RCN2: variants seen among roughly 807,000 people sequenced by gnomAD.
RCN2 encodes reticulocalbin 2.
In RCN2, 23 loss-of-function variants were observed where a neutral mutation model predicts 37.5. The observed-to-expected ratio is 0.61, with a 90% CI of 0.44 to 0.87. The LOEUF (loss-of-function observed/expected upper bound fraction) is 0.87. Ranked by LOEUF, RCN2 falls within the 40% of genes least tolerant of loss-of-function variation. The probability of loss-of-function intolerance (pLI) is 0.00; values close to 1 mark genes in which losing one functional copy is unlikely to be tolerated. For synonymous variants in RCN2, 140 were observed against 144.6 expected, an observed-to-expected ratio of 0.97 and a Z score of 0.23; for missense variants, 381 against 390.4, an observed-to-expected ratio of 0.98 and a Z score of 0.20.
rs1050172179 is a variant in RCN2 at position 76,953,308 on chromosome 15, C to T, written c.*4086C>T. ...TTGTGAGTGGCTTCACTTAGCATAA[C>T]GTCCCCAAAGTTCACCCATATTGTT... On this transcript the variant is annotated 3_prime_UTR_variant, in exon 7 of 7. Coordinates refer to ENST00000394885, the MANE Select transcript of RCN2 (RefSeq NM_002902.3). 2.6e-5 allele frequency: 4 copies of T among 151,834 alleles called. No individual in the cohort carries two copies. In the East Asian group the frequency reaches 5.8e-4, roughly 22 times the overall value. 9.4% of individuals were successfully genotyped at this position (151,834 alleles called of 1,614,324 possible). A position where few individuals can be genotyped will look rare whatever the true frequency, so the allele number is the denominator to read the frequency against.
rs116415216 is a variant in RCN2, at chr15:76,949,394, G to A, written c.*172G>A. ...TTTTAGGAAAAAAAAACAAAAATCT[G>A]ATATTTATTTCAAAATGTATTGAAG... On this transcript the variant is annotated 3_prime_UTR_variant, in exon 7 of 7. Coordinates refer to ENST00000394885, the MANE Select transcript of RCN2 (RefSeq NM_002902.3). The A allele has an allele frequency of 2.1e-3, 985 of 458,454 alleles. 8 individuals are homozygous for A. Among genetic ancestry groups the A allele is most frequent in the African/African-American group, 0.018 (916 of 49,696 alleles). The allele number at this position is 458,454 out of a possible 1,614,324, so 28.4% of individuals were successfully genotyped here.
intron 4 of RCN2, among the ~76,000 whole-genome samples, chr15:76,947,092 T>C (rs1416067400): frequency 6.6e-6 from 1 of 152,158 alleles, no homozygotes; most frequent in Non-Finnish European, 1.5e-5. Flanking sequence ...GTGCGGAAAA[T>C]AGCATGAGAG....
intron 2 of RCN2, 56 bp downstream of exon 2, chr15:76,932,522 C>A (rs1596001140): frequency 1.7e-6 from 2 of 1,195,270 alleles, no homozygotes; most frequent in Admixed American, 1.8e-5. Context: ...TGTTAAGCAG[C>A]GGTGTCTGCT....
rs1028278157 is a variant in RCN2, at chr15:76,949,647, G to T, written c.*425G>T. ...GGAACTGACAGGACAATGTTTTTAGGTTTAGCATTTTGTTTAAAAACCTTT... is the reference window on the plus strand; with the variant it reads ...GGAACTGACAGGACAATGTTTTTAGTTTTAGCATTTTGTTTAAAAACCTTT... On this transcript the variant is annotated 3_prime_UTR_variant, in exon 7 of 7. Transcript: ENST00000394885. The T allele has an allele frequency of 1.3e-5, 2 of 152,892 alleles. No individual in the cohort carries two copies. The highest frequency in any genetic ancestry group is 4.8e-5 in the African/African-American group (2 of 41,448). 9.5% of individuals were successfully genotyped at this position (152,892 alleles called of 1,614,324 possible).
chr15:76,948,147 C>T (rs760058161), intron 5 of RCN2: 103 of 275,814 alleles, frequency 3.7e-4, no homozygotes, highest in Middle Eastern at 2.1e-3. Flanking sequence ...AACTAGATAT[C>T]GGAACAAATA....
intron 3 of RCN2, chr15:76,943,557 C>G (rs1455703156): frequency 5.1e-5 from 20 of 390,566 alleles, no homozygotes; most frequent in Non-Finnish European, 9.2e-5. Flanking sequence ...TGCTGGAATT[C>G]AGGTCTGGGT....
At position 76,949,506 on chromosome 15, in the gene RCN2, GTTC is replaced by G. The variant is rs1183846377; in HGVS notation, c.*286_*288del. 1 of 211,344 alleles carries G rather than the reference GTTC, an allele frequency of 4.7e-6. No individual in the cohort carries two copies. The highest frequency in any genetic ancestry group is 9.3e-6 in the Non-Finnish European group (1 of 107,332). The allele number at this position is 211,344 out of a possible 1,614,324, so 13.1% of individuals were successfully genotyped here. On this transcript the variant is annotated 3_prime_UTR_variant, in exon 7 of 7. Transcript: ENST00000394885. ...TAGTACTGTATTGTGGAATATTTGAGTTCTATTTCCATACTTGAAAACATGGAG... is the reference window on the plus strand; with the variant it reads ...TAGTACTGTATTGTGGAATATTTGAGTATTTCCATACTTGAAAACATGGAG...
rs974114588 is a variant in RCN2, at chr15:76,954,054, T to G, written c.*4832T>G. ...GCTATTTTCTGTTTTTTTTTTTTTC[T>G]TTTTTTTTTTTAATAGTAGCCATCC... On this transcript the variant is annotated 3_prime_UTR_variant, in exon 7 of 7. Transcript: ENST00000394885. 2 of 139,984 alleles carry G rather than the reference T, an allele frequency of 1.4e-5. No individual in the cohort carries two copies. Among genetic ancestry groups the G allele is most frequent in the African/African-American group, 5.1e-5 (2 of 39,188 alleles). 8.7% of individuals were successfully genotyped at this position (139,984 alleles called of 1,614,324 possible).
intron 3 of RCN2, among the ~76,000 whole-genome samples, chr15:76,936,891 T>C (rs1160728206): frequency 1.3e-5 from 2 of 152,162 alleles, no homozygotes; most frequent in African/African-American, 4.8e-5. Flanking sequence ...CCCGACTCTT[T>C]TCATCTTACA....
chr15:76,943,807 G>A lies in RCN2; in HGVS notation c.497G>A (p.Gly166Asp). Residue 166 changes from glycine to aspartate, a missense_variant, in exon 4 of 7, where the codon GGT becomes GAT. Coordinates refer to ENST00000394885, the MANE Select transcript of RCN2 (RefSeq NM_002902.3). ...TTTGAAAAAGCTAACCAGGATTCAG[G>A]TCCCGGTTTGAGTCTTGAAGAATTT... ...KRFEKANQDS[G>D]PGLSLEEFIA... is the part of the protein sequence containing the mutation. 6.2e-7 allele frequency: 1 copy of A among 1,609,740 alleles called. No homozygotes were observed. The highest frequency in any genetic ancestry group is 8.5e-7 in the Non-Finnish European group (1 of 1,176,910).
chr15:76,936,706 T>G (rs144532606), intron 3 of RCN2, among the ~76,000 whole-genome samples: 1 of 152,358 alleles, frequency 6.6e-6, no homozygotes, highest in East Asian at 1.9e-4. Context: ...GTGCAAATAC[T>G]GCACCATTTT....
intron 3 of RCN2, among the ~76,000 whole-genome samples, chr15:76,936,834 C>T (rs2075251939): frequency 6.6e-6 from 1 of 152,110 alleles, no homozygotes; most frequent in Non-Finnish European, 1.5e-5. Context: ...TTAAAGTGTA[C>T]AGTTGAGTAA....
chr15:76,931,920 G>A lies in RCN2; in HGVS notation c.79G>A (p.Glu27Lys), dbSNP rs563134720. 1.4e-5 allele frequency: 19 copies of A among 1,326,572 alleles called. No individual in the cohort carries two copies. In the South Asian group the frequency reaches 3.2e-4, roughly 23 times the overall value. The allele number at this position is 1,326,572 out of a possible 1,614,324, so 82.2% of individuals were successfully genotyped here. A position where few individuals can be genotyped will look rare whatever the true frequency, so the allele number is the denominator to read the frequency against. The change falls in exon 1 of 7, where the codon GAG becomes AAG. Residue 27 changes from glutamate to lysine, a missense_variant. By Grantham distance (56) the Glu-to-Lys change is moderately conservative. Transcript: ENST00000394885. Reference sequence around the variant, plus strand: ...CGCGGCCGGCGCCGGCAAGGCCGAGGAGCTGCACTACCCGCTGGGCGAGCG... The same window carrying A: ...CGCGGCCGGCGCCGGCAAGGCCGAGAAGCTGCACTACCCGCTGGGCGAGCG... Reference protein sequence around the residue: ...AAAAGAGKAEELHYPLGERRS... With the variant: ...AAAAGAGKAEKLHYPLGERRS...
chr15:76,932,056 C>T (rs1325497516), intron 1 of RCN2, 71 bp downstream of exon 1: 1 of 1,237,806 alleles, frequency 8.1e-7, no homozygotes, highest in Non-Finnish European at 1.0e-6. Context: ...TGTCCCGGGA[C>T]AAAGGGGGGC....
At chr15:76,932,020 C>A in intron 1 of RCN2, 35 bp downstream of exon 1, 1 of 1,239,710 alleles carries the variant, frequency 8.1e-7, no homozygotes, top group South Asian at 3.2e-5. Flanking sequence ...GAGGGCCGGG[C>A]CTCGCACCGC....
chr15:76,948,171 T>G (rs1462072118), intron 5 of RCN2: 4 of 336,588 alleles, frequency 1.2e-5, no homozygotes, highest in Non-Finnish European at 2.1e-5. Context: ...GTTAACAAAA[T>G]TACTAGTTTG....
At position 76,948,416 on chromosome 15, in the gene RCN2, A is replaced by G. The variant is rs747140334; in HGVS notation, c.665A>G (p.Asn222Ser). The G allele has an allele frequency of 6.3e-7, 1 of 1,589,616 alleles. No individual in the cohort carries two copies. Among genetic ancestry groups the G allele is most frequent in the Non-Finnish European group, 8.6e-7 (1 of 1,165,580 alleles). The change falls in exon 6 of 7, where the codon AAT (asparagine) becomes AGT (serine). Residue 222 changes from asparagine to serine, a missense_variant. Physicochemically the swap from Asn to Ser is conservative, Grantham distance 46. Coordinates refer to ENST00000394885, the MANE Select transcript of RCN2 (RefSeq NM_002902.3). ...LGDYRWDPTANEDPEWILVEK... is the reference protein window; with the variant it reads ...LGDYRWDPTASEDPEWILVEK... ...TGTGTTTTTTTATATTAAGCTGCAA[A>G]TGAAGATCCAGAATGGATACTTGTT...
Position 76,931,952 on chromosome 15 carries a change from C to G in RCN2, c.111C>G (p.Ser37Arg). 3.1e-6 allele frequency: 4 copies of G among 1,278,366 alleles called. No individual in the cohort carries two copies. Among genetic ancestry groups the G allele is most frequent in the Non-Finnish European group, 3.9e-6 (4 of 1,017,448 alleles). 79.2% of individuals were successfully genotyped at this position (1,278,366 alleles called of 1,614,324 possible). Residue 37 changes from serine to arginine, a missense_variant, in exon 1 of 7, where the codon AGC becomes AGG. Physicochemically the swap from Ser to Arg is moderately radical, Grantham distance 110. Transcript: ENST00000394885. ...ELHYPLGERR[S>R]DYDREALLGV... ...ACTACCCGCTGGGCGAGCGCCGCAGCGACTACGACCGCGAGGCGCTGCTGG... is the reference window on the plus strand; with the variant it reads ...ACTACCCGCTGGGCGAGCGCCGCAGGGACTACGACCGCGAGGCGCTGCTGG...
chr15:76,945,252 T>G (rs1033884231), intron 4 of RCN2, among the ~76,000 whole-genome samples: 3 of 152,208 alleles, frequency 2.0e-5, no homozygotes, highest in Non-Finnish European at 4.4e-5. Context: ...TTCAGTGCCT[T>G]CCTTATCCTT....
Sources: allele counts gnomAD v4.1 joint callset (sites outside exome capture counted in the v4.1 genomes callset), GRCh38; gene constraint gnomAD v4.1.1; transcripts MANE v1.5; gene names NCBI Gene and HGNC (gene_info 2026-07-23, HGNC 2026-07-21).